The following NALF1 variants were observed in gnomAD, a reference collection of about 807,000 sequenced individuals.
The protein encoded by NALF1 is family with sequence similarity 155 member A.
In NALF1, 3 loss-of-function variants were observed where a neutral mutation model predicts 48.4. That is an observed-to-expected ratio of 0.06 (90% CI 0.03 to 0.16). The LOEUF (loss-of-function observed/expected upper bound fraction) is 0.16. NALF1 is among the 10% of genes least tolerant of loss of function. The pLI is 1.00. For synonymous variants in NALF1, 262 were observed against 245.7 expected, an observed-to-expected ratio of 1.07 and a Z score of -0.62; for missense variants, 526 against 571.5, an observed-to-expected ratio of 0.92 and a Z score of 0.81.
intron 1 of NALF1, among the ~76,000 whole-genome samples, chr13:107,725,049 T>C (rs186940859): frequency 6.6e-6 from 1 of 152,366 alleles, no homozygotes; most frequent in Non-Finnish European, 1.5e-5. Context: ...TTTGTGTTTG[T>C]CTTACTTCTG....
chr13:107,451,733 A>G (rs1022563838), intron 1 of NALF1, among the ~76,000 whole-genome samples: 2 of 152,174 alleles, frequency 1.3e-5, no homozygotes, highest in Non-Finnish European at 2.9e-5. Context: ...ACTTCTTAAT[A>G]CATTGCACAT....
intron 1 of NALF1, among the ~76,000 whole-genome samples, chr13:107,294,854 G>A (rs902578413): frequency 2.6e-5 from 4 of 152,162 alleles, no homozygotes; most frequent in Non-Finnish European, 4.4e-5. Context: ...CGTGGTTATC[G>A]AGAGGATGAA....
intron 1 of NALF1, among the ~76,000 whole-genome samples, chr13:107,509,994 G>A (rs571259415): frequency 1.4e-4 from 21 of 152,092 alleles, no homozygotes; most frequent in African/African-American, 4.1e-4. Flanking sequence ...ACTTCATAGA[G>A]ATGGAGAGGT....
chr13:107,499,895 T>A (rs1215248348), intron 1 of NALF1, among the ~76,000 whole-genome samples: 1 of 152,208 alleles, frequency 6.6e-6, no homozygotes, highest in East Asian at 1.9e-4. Context: ...AATAATATGC[T>A]GATAGACAAC....
chr13:107,624,610 T>C (rs1263872186), intron 1 of NALF1, among the ~76,000 whole-genome samples: 2 of 152,194 alleles, frequency 1.3e-5, no homozygotes, highest in Non-Finnish European at 2.9e-5. Context: ...AATATATAGA[T>C]GTTTATAGAA....
intron 1 of NALF1, among the ~76,000 whole-genome samples, chr13:107,328,516 C>T (rs1882408837): frequency 1.3e-5 from 2 of 152,132 alleles, no homozygotes; most frequent in African/African-American, 4.8e-5. Context: ...AAAGCATTTT[C>T]CTTCTGTTAA....
intron 1 of NALF1, among the ~76,000 whole-genome samples, chr13:107,777,360 C>T (rs1257587014): frequency 6.6e-6 from 1 of 152,162 alleles, no homozygotes; most frequent in Non-Finnish European, 1.5e-5. Context: ...AAGGCAGATA[C>T]ACCCATTGAC....
At chr13:107,463,427 G>A (rs947124688) in intron 1 of NALF1, among the ~76,000 whole-genome samples, 5 of 152,206 alleles carry the variant, frequency 3.3e-5, no homozygotes, top group African/African-American at 1.2e-4. Flanking sequence ...ACAGAATAGA[G>A]AGGAAGGAAA....
intron 1 of NALF1, among the ~76,000 whole-genome samples, chr13:107,473,980 G>A (rs1247216690): frequency 6.6e-6 from 1 of 152,060 alleles, no homozygotes; most frequent in Non-Finnish European, 1.5e-5. Context: ...TAAGGACATG[G>A]TCTCCCCACA....
chr13:107,194,036 CTATCTATCTATCTATCTATCTATA>C lies in NALF1; in HGVS notation c.1087+16524_1087+16547del, dbSNP rs1198401910. Among the ~76,000 whole-genome samples the C allele has an allele frequency of 1.3e-3, 190 of 146,296 alleles. 2 individuals carry two copies. The highest frequency in any genetic ancestry group is 3.5e-3 in the African/African-American group (127 of 36,662). ...TCTATCTATCTATCTATCTATCTAT[CTATCTATCTATCTATCTATCTATA>C]TATCAATCTATCGTTTTAATGAATA... On this transcript the variant is annotated intron_variant, in intron 2 of 2. Transcript: ENST00000375915.
intron 1 of NALF1, among the ~76,000 whole-genome samples, chr13:107,496,455 G>A (rs1875337454): frequency 6.6e-6 from 1 of 152,126 alleles, no homozygotes; most frequent in African/African-American, 2.4e-5. Flanking sequence ...ACGGTGTTTA[G>A]CTTGATGTCC....
intron 1 of NALF1, among the ~76,000 whole-genome samples, chr13:107,472,157 C>T (rs528900622): frequency 1.6e-4 from 25 of 152,126 alleles, no homozygotes; most frequent in African/African-American, 5.1e-4. Context: ...GGTGAAAGCC[C>T]GTCTCTACTA....
At chr13:107,706,918 C>CTTTTTTTTTTTTT (rs34091754) in intron 1 of NALF1, among the ~76,000 whole-genome samples, 4 of 101,302 alleles carry the variant, frequency 3.9e-5, no homozygotes, top group South Asian at 3.6e-4. Context: ...CAAGGGCATT[C>CTTTTTTTTTTTTT]TTTTTTTTTT....
At chr13:107,411,766 C>G (rs1353762686) in intron 1 of NALF1, among the ~76,000 whole-genome samples, 3 of 152,170 alleles carry the variant, frequency 2.0e-5, no homozygotes, top group East Asian at 1.9e-4. Context: ...TAAGTGGGGT[C>G]TGGATCGACT....
chr13:107,479,435 A>C (rs1245167489), intron 1 of NALF1, among the ~76,000 whole-genome samples: 1 of 152,148 alleles, frequency 6.6e-6, no homozygotes, highest in South Asian at 2.1e-4. Flanking sequence ...TCTGTTACAT[A>C]TCTATCAAAG....
At chr13:107,609,590 G>A (rs1239111920) in intron 1 of NALF1, among the ~76,000 whole-genome samples, 1 of 152,182 alleles carries the variant, frequency 6.6e-6, no homozygotes, top group Non-Finnish European at 1.5e-5. Context: ...GTCTATGTGA[G>A]AGGAAGAGAA....
intron 1 of NALF1, among the ~76,000 whole-genome samples, chr13:107,668,552 C>T (rs1019567915): frequency 6.6e-6 from 1 of 151,936 alleles, no homozygotes; most frequent in Non-Finnish European, 1.5e-5. Context: ...GTAAATCTTC[C>T]TTTGTTTGTT....
At chr13:107,251,918 T>C (rs910656090) in intron 1 of NALF1, among the ~76,000 whole-genome samples, 12 of 152,224 alleles carry the variant, frequency 7.9e-5, no homozygotes, top group Admixed American at 2.0e-4. Flanking sequence ...TAATGTCACA[T>C]GCTATGGAGA....
intron 1 of NALF1, among the ~76,000 whole-genome samples, chr13:107,255,442 C>T (rs902575894): frequency 3.9e-5 from 6 of 151,982 alleles, no homozygotes; most frequent in Non-Finnish European, 8.8e-5. Context: ...AAAATAAGTC[C>T]CAAATTAACA....
Sources: allele counts gnomAD v4.1 joint callset (sites outside exome capture counted in the v4.1 genomes callset), GRCh38; gene constraint gnomAD v4.1.1; transcripts MANE v1.5; gene names NCBI Gene and HGNC (gene_info 2026-07-23, HGNC 2026-07-21).